TERB1: variants seen among roughly 807,000 people sequenced by gnomAD.
TERB1 encodes telomere repeats-binding bouquet formation protein 1.
TERB1 carries 63 observed loss-of-function variants against 92.3 expected under a neutral mutation model. That is an observed-to-expected ratio of 0.68 (90% CI 0.56 to 0.84). The LOEUF is 0.84. TERB1 is among the 40% of genes least tolerant of loss of function. The pLI is 0.00. For synonymous variants in TERB1, 252 were observed against 283.9 expected, an observed-to-expected ratio of 0.89 and a Z score of 1.13; for missense variants, 709 against 843.7, an observed-to-expected ratio of 0.84 and a Z score of 1.98.
At position 66,794,660 on chromosome 16, in the gene TERB1, C is replaced by T. The variant is rs990103616; in HGVS notation, c.31+2108G>A. On this transcript the variant is annotated intron_variant, in intron 3 of 18. Transcript: ENST00000433154. The stretch of plus-strand genomic sequence containing the variant: ...GCACAGTGGCTCACGCCTGTAATCC[C>T]AGCACTTTGGGAGGCCGAGGTGGGT... Among the ~76,000 whole-genome samples, 3 of 152,246 alleles carry T rather than the reference C, an allele frequency of 2.0e-5. No individual in the cohort carries two copies. In the East Asian group the frequency reaches 5.8e-4, roughly 29 times the overall value.
chr16:66,763,878 C>T (rs569577878), intron 16 of TERB1, among the ~76,000 whole-genome samples: 8 of 152,234 alleles, frequency 5.3e-5, no homozygotes, highest in East Asian at 3.9e-4. Flanking sequence ...AAGTTGGCCA[C>T]GCAGATAGTT....
At chr16:66,759,855 A>G (rs1382395043) in intron 16 of TERB1, among the ~76,000 whole-genome samples, 1 of 148,598 alleles carries the variant, frequency 6.7e-6, no homozygotes, top group Non-Finnish European at 1.5e-5. Context: ...GAGCATCTAG[A>G]GCGGGCGCAG....
intron 6 of TERB1, among the ~76,000 whole-genome samples, 183 bp from the exon 7 acceptor site, chr16:66,786,468 A>G (rs143957412): frequency 1.3e-5 from 2 of 152,370 alleles, no homozygotes; most frequent in African/African-American, 4.8e-5. Flanking sequence ...ATATGTCACT[A>G]CTGCTTAGAG....
intron 18 of TERB1, among the ~76,000 whole-genome samples, chr16:66,757,991 T>C (rs1389132878): frequency 1.3e-5 from 2 of 152,216 alleles, no homozygotes; most frequent in East Asian, 3.8e-4. Flanking sequence ...AGCACTATAG[T>C]TATGAACAAA....
At chr16:66,774,843 T>C (rs1042044911) in intron 12 of TERB1, among the ~76,000 whole-genome samples, 2 of 151,994 alleles carry the variant, frequency 1.3e-5, no homozygotes, top group South Asian at 4.2e-4. Context: ...TGTGCCACCA[T>C]GCCCAGATAA....
chr16:66,761,687 C>T (rs1177330187), intron 16 of TERB1, among the ~76,000 whole-genome samples: 1 of 152,018 alleles, frequency 6.6e-6, no homozygotes, highest in African/African-American at 2.4e-5. Context: ...ACTTAAGAGG[C>T]TGAGGCAGGA....
At chr16:66,771,135 G>C (rs768009027) in intron 13 of TERB1, among the ~76,000 whole-genome samples, 14 of 152,112 alleles carry the variant, frequency 9.2e-5, no homozygotes, top group Non-Finnish European at 1.6e-4. Flanking sequence ...ATCAACGATA[G>C]CATGGAAAAG....
chr16:66,781,308 T>C (rs145361868), intron 9 of TERB1, among the ~76,000 whole-genome samples: 3 of 152,282 alleles, frequency 2.0e-5, no homozygotes, highest in Non-Finnish European at 2.9e-5. Flanking sequence ...TCTCCCTCCT[T>C]GGCCTTCCAA....
chr16:66,764,705 C>T (rs1045532279), intron 16 of TERB1, among the ~76,000 whole-genome samples: 3 of 152,056 alleles, frequency 2.0e-5, no homozygotes, highest in Admixed American at 6.6e-5. Context: ...AAATAAGGGA[C>T]GGAACGAGAG....
At chr16:66,784,488 C>A (rs1323632390) in intron 9 of TERB1, among the ~76,000 whole-genome samples, 1 of 151,804 alleles carries the variant, frequency 6.6e-6, no homozygotes, top group Non-Finnish European at 1.5e-5. Context: ...CACACCACCA[C>A]ACCAGGCTAA....
intron 16 of TERB1, among the ~76,000 whole-genome samples, chr16:66,761,701 T>C (rs1453841825): frequency 1.3e-5 from 2 of 151,662 alleles, no homozygotes; most frequent in Non-Finnish European, 2.9e-5. Context: ...GGCAGGAGAA[T>C]CCCTTGAGAC....
intron 9 of TERB1, among the ~76,000 whole-genome samples, chr16:66,781,519 CT>C (rs34191078): frequency 7.5e-4 from 91 of 121,148 alleles, no homozygotes; most frequent in East Asian, 9.7e-4. Context: ...GGTACAAATT[CT>C]TTTTTTTTTT....
intron 2 of TERB1, among the ~76,000 whole-genome samples, chr16:66,798,827 G>A (rs1350775703): frequency 1.3e-5 from 2 of 152,128 alleles, no homozygotes; most frequent in East Asian, 3.9e-4. Flanking sequence ...GCTAGACTTT[G>A]TTCTTTACAC....
At chr16:66,767,137 T>C (rs911005237) in intron 16 of TERB1, among the ~76,000 whole-genome samples, 12 of 150,694 alleles carry the variant, frequency 8.0e-5, no homozygotes, top group African/African-American at 2.9e-4. Flanking sequence ...AAGATCAGTT[T>C]GGCCAACATG....
intron 9 of TERB1, among the ~76,000 whole-genome samples, chr16:66,784,654 G>A (rs2018693023): frequency 6.6e-6 from 1 of 151,466 alleles, no homozygotes; most frequent in African/African-American, 2.4e-5. Flanking sequence ...TAATTGACTT[G>A]AGACCTTTCT....
Position 66,790,724 on chromosome 16 carries a change from CT to C in TERB1, c.143-2del. On this transcript the variant is annotated splice_acceptor_variant, in intron 4 of 18. Coordinates refer to ENST00000433154, the MANE Select transcript of TERB1 (RefSeq NM_001136505.2). LOFTEE classifies it high-confidence loss of function. ...TCCCGAAAATAAACACTTGCATTAC[CT>C]GTAGGATGTGCAGAAAAAAAACAAA... is the stretch of plus-strand genomic sequence containing the variant. 1 of 1,547,680 alleles carries C rather than the reference CT, an allele frequency of 6.5e-7. No homozygotes were observed. The highest frequency in any genetic ancestry group is 8.7e-7 in the Non-Finnish European group (1 of 1,145,874).
chr16:66,768,419 AG>A (rs1230755455), intron 14 of TERB1, among the ~76,000 whole-genome samples: 2 of 152,182 alleles, frequency 1.3e-5, no homozygotes, highest in Non-Finnish European at 2.9e-5. Flanking sequence ...TGGAAGAAAA[AG>A]ATTATAAAAA....
chr16:66,776,339 A>AAAAAAGAAAG (rs2018548877), intron 11 of TERB1, among the ~76,000 whole-genome samples: 1 of 151,938 alleles, frequency 6.6e-6, no homozygotes, highest in Non-Finnish European at 1.5e-5. Flanking sequence ...CAAAAAAAAA[A>AAAAAAGAAAG]AAAAAGAAAG....
rs147810902 is a variant in TERB1, at chr16:66,759,601, C to T, written c.1781-311G>A. 2.8e-4 allele frequency among the ~76,000 whole-genome samples: 42 copies of T among 151,908 alleles called. No individual in the cohort carries two copies. In the East Asian group the frequency reaches 7.8e-3, roughly 28 times the overall value. On this transcript the variant is annotated intron_variant, in intron 16 of 18. Transcript: ENST00000433154. ...GATCATGAGGTCAGGAGTTCGAGAC[C>T]AGCCTGGCCAATATGGTGAAACCTC...
Sources: gnomAD v4.1 joint callset for allele counts (sites outside exome capture counted in the v4.1 genomes callset) on GRCh38, gnomAD v4.1.1 for gene constraint, MANE v1.5 for transcripts, NCBI Gene and HGNC (gene_info 2026-07-23, HGNC 2026-07-21) for gene names.